CSNK1A1: variants seen among roughly 807,000 people sequenced by gnomAD.
CSNK1A1 encodes the protein casein kinase 1 alpha 1, also known as casein kinase I isoform alpha.
A neutral mutation model predicts 46.1 loss-of-function variants in CSNK1A1; 7 were observed. That is an observed-to-expected ratio of 0.15 (90% CI 0.09 to 0.29). The LOEUF (loss-of-function observed/expected upper bound fraction) is 0.29. CSNK1A1 is among the 10% of genes least tolerant of loss of function. The pLI is 1.00. For missense variants in CSNK1A1, 96 were observed against 417.1 expected, an observed-to-expected ratio of 0.23 and a Z score of 6.71; for synonymous variants, 137 against 141.5, an observed-to-expected ratio of 0.97 and a Z score of 0.23.
intron 2 of CSNK1A1, among the ~76,000 whole-genome samples, chr5:149,534,388 G>A (rs931178435): frequency 1.3e-5 from 2 of 150,838 alleles, no homozygotes; most frequent in Non-Finnish European, 2.9e-5. Context: ...GGAGGCTGAG[G>A]CAGAAGAATT....
rs1166258433 is a variant in CSNK1A1, at chr5:149,525,141, T to C, written c.261A>G (p.Val87=). 1 of 1,612,084 alleles carries C rather than the reference T, an allele frequency of 6.2e-7. No homozygotes were observed. The highest frequency in any genetic ancestry group is 2.2e-5 in the East Asian group (1 of 44,792). ...TAGGTCCCAGAAGATCCATGACTAG[T>C]ACATTGTAGTCTTTTTCCTGACCAT... ...RWYGQEKDYN[V]LVMDLLGPSL... is the part of the protein sequence containing the mutation. Residue 87 remains valine, a synonymous_variant, in exon 3 of 10, where the codon GTA becomes GTG. Transcript: ENST00000377843. This position sits in a 1 kb window ranked among gnomAD's most constrained non-coding sequence, Gnocchi z 4.2.
intron 4 of CSNK1A1, among the ~76,000 whole-genome samples, chr5:149,516,202 C>T (rs1761395410): frequency 6.6e-6 from 1 of 152,070 alleles, no homozygotes; most frequent in Non-Finnish European, 1.5e-5. Context: ...TACCTGTAAT[C>T]CCAGCTATTC....
intron 7 of CSNK1A1, among the ~76,000 whole-genome samples, chr5:149,508,345 G>A (rs1330176294): frequency 1.3e-5 from 2 of 151,868 alleles, no homozygotes; most frequent in African/African-American, 4.8e-5. Context: ...TTTATGGCCC[G>A]TGTTAATGGT....
intron 4 of CSNK1A1, among the ~76,000 whole-genome samples, chr5:149,515,501 A>G (rs1402946503): frequency 6.6e-6 from 1 of 152,216 alleles, no homozygotes; most frequent in Non-Finnish European, 1.5e-5. Flanking sequence ...ATCTAAAAAC[A>G]AAAATCTAAA....
In CSNK1A1 at chr5:149,528,898, T is replaced by C. The variant is rs149646895; in HGVS notation, c.231-3727A>G. On this transcript the variant is annotated intron_variant, in intron 2 of 9. Coordinates refer to ENST00000377843, the MANE Select transcript of CSNK1A1 (RefSeq NM_001892.6). ...TCTCTGAGGCCATTTAAGTTTATAG[T>C]CTGAAACACCAACACAAAAACCTCA... Among the ~76,000 whole-genome samples, 4 of 152,328 alleles carry C rather than the reference T, an allele frequency of 2.6e-5. No individual in the cohort carries two copies. The East Asian group carries it at 7.7e-4, about 29-fold the overall frequency.
chr5:149,512,893 C>T (rs181140127), intron 5 of CSNK1A1, among the ~76,000 whole-genome samples, 177 bp downstream of exon 5: 1 of 152,160 alleles, frequency 6.6e-6, no homozygotes, highest in Non-Finnish European at 1.5e-5. Context: ...ATCCAGAAGA[C>T]CTCATTTAAC....
At chr5:149,547,081 G>A (rs1762506889) in intron 2 of CSNK1A1, among the ~76,000 whole-genome samples, 1 of 151,900 alleles carries the variant, frequency 6.6e-6, no homozygotes, top group African/African-American at 2.4e-5. Context: ...CAATTACTGT[G>A]TTCTCCTTTA....
chr5:149,530,010 G>C (rs933672783), intron 2 of CSNK1A1, among the ~76,000 whole-genome samples: 1 of 151,870 alleles, frequency 6.6e-6, no homozygotes, highest in African/African-American at 2.4e-5. Flanking sequence ...GAATATTCCA[G>C]AATAAATCAG....
intron 4 of CSNK1A1, among the ~76,000 whole-genome samples, chr5:149,516,588 A>C (rs1761411704): frequency 6.6e-6 from 1 of 152,198 alleles, no homozygotes; most frequent in Non-Finnish European, 1.5e-5. Context: ...ACAATGTAAT[A>C]CAACTTTCTT....
chr5:149,497,544 T>G (rs912847964), intron 9 of CSNK1A1: 2 of 985,434 alleles, frequency 2.0e-6, no homozygotes, highest in Non-Finnish European at 2.4e-6. Context: ...GGCCTCTACA[T>G]AGGCCCTAGG....
chr5:149,528,348 T>C (rs1191029154), intron 2 of CSNK1A1, among the ~76,000 whole-genome samples: 1 of 152,216 alleles, frequency 6.6e-6, no homozygotes, highest in Non-Finnish European at 1.5e-5. Context: ...TTCTTTTCTA[T>C]GGACTGGTAC....
At chr5:149,526,501 A>G (rs1302428907) in intron 2 of CSNK1A1, among the ~76,000 whole-genome samples, 1 of 152,210 alleles carries the variant, frequency 6.6e-6, no homozygotes, top group Non-Finnish European at 1.5e-5. Context: ...TGTCAAAATT[A>G]TAACAAGTAT....
At chr5:149,510,921 A>G (rs974261847) in intron 6 of CSNK1A1, among the ~76,000 whole-genome samples, 1 of 152,228 alleles carries the variant, frequency 6.6e-6, no homozygotes, top group Non-Finnish European at 1.5e-5. Flanking sequence ...AAAAATACTC[A>G]TATTAGATAA....
At position 149,493,945 on chromosome 5, in the gene CSNK1A1, C is replaced by G. The variant is rs1214232163; in HGVS notation, c.*2908G>C. Reference sequence around the variant, plus strand: ...TGTTCCAGACTAGTTGGAAAACGACCCAGGAACTCACCTGCATTAAATGCT... The same window carrying G: ...TGTTCCAGACTAGTTGGAAAACGACGCAGGAACTCACCTGCATTAAATGCT... On this transcript the variant is annotated 3_prime_UTR_variant, in exon 10 of 10. Transcript: ENST00000377843. 6.6e-6 allele frequency: 1 copy of G among 152,112 alleles called. No homozygotes were observed. Among genetic ancestry groups the G allele is most frequent in the Non-Finnish European group, 1.5e-5 (1 of 68,018 alleles). 9.4% of individuals were successfully genotyped at this position (152,112 alleles called of 1,614,324 possible). A position where few individuals can be genotyped will look rare whatever the true frequency, so the allele number is the denominator to read the frequency against.
At chr5:149,530,978 A>AAAAAAAAAAAAGAACACAT (rs1761877310) in intron 2 of CSNK1A1, among the ~76,000 whole-genome samples, 1 of 147,448 alleles carries the variant, frequency 6.8e-6, no homozygotes, top group Non-Finnish European at 1.5e-5. Flanking sequence ...AAAAAAAAAA[A>AAAAAAAAAAAAGAACACAT]GAACACATAA....
In CSNK1A1 at chr5:149,540,044, A is replaced by C. The variant is rs183554801; in HGVS notation, c.230+10031T>G. Among the ~76,000 whole-genome samples the C allele has an allele frequency of 1.0e-3, 155 of 152,358 alleles. 1 individual carries two copies. Among genetic ancestry groups the C allele is most frequent in the Non-Finnish European group, 1.7e-3 (119 of 68,034 alleles). ...ACTTATCAACATTACAAATAAATAAAAGGCAATTATACCTTAAAATTAGAA... is the reference window on the plus strand; with the variant it reads ...ACTTATCAACATTACAAATAAATAACAGGCAATTATACCTTAAAATTAGAA... On this transcript the variant is annotated intron_variant, in intron 2 of 9. Transcript: ENST00000377843.
rs1354392685 is a variant in CSNK1A1 at position 149,550,631 on chromosome 5, G to A, written c.123+211C>T. 6.6e-6 allele frequency among the ~76,000 whole-genome samples: 1 copy of A among 151,864 alleles called. No individual in the cohort carries two copies. The highest frequency in any genetic ancestry group is 1.5e-5 in the Non-Finnish European group (1 of 67,976). On this transcript the variant is annotated intron_variant, in intron 1 of 9. Transcript: ENST00000377843. The surrounding 1 kb of genome is among the most constrained non-coding windows in gnomAD (Gnocchi z 4.3). ...ATTTATGGGACGTGTTTAACAAGGT[G>A]GGAAACTAGTTCCCCCAACCTTTCT...
At chr5:149,538,314 G>A (rs1403117244) in intron 2 of CSNK1A1, among the ~76,000 whole-genome samples, 1 of 152,064 alleles carries the variant, frequency 6.6e-6, no homozygotes, top group African/African-American at 2.4e-5. Context: ...GAGCCACCGC[G>A]CCCGGCTGTC....
intron 2 of CSNK1A1, among the ~76,000 whole-genome samples, chr5:149,531,832 A>G (rs1299076678): frequency 6.8e-6 from 1 of 146,286 alleles, no homozygotes; most frequent in East Asian, 2.2e-4. Context: ...GCAAGACTCC[A>G]TCTCAAAAAA....
Sources: gnomAD v4.1 joint callset for allele counts (sites outside exome capture counted in the v4.1 genomes callset) on GRCh38, gnomAD v4.1.1 for gene constraint, Gnocchi (gnomAD v3.1) non-coding constraint, MANE v1.5 for transcripts, NCBI Gene and HGNC (gene_info 2026-07-23, HGNC 2026-07-21) for gene names.